Variants in ANKRD33B observed in about 807,000 individuals in gnomAD.
ANKRD33B encodes ankyrin repeat domain-containing protein 33B.
Under a neutral mutation model 21.5 loss-of-function variants are expected in ANKRD33B, and 6 were observed. That is an observed-to-expected ratio of 0.28 (90% CI 0.15 to 0.55). The LOEUF (loss-of-function observed/expected upper bound fraction) is 0.55, where lower values mean the gene tolerates loss of function less well. Among genes scored for constraint, ANKRD33B ranks in the 20% least tolerant of loss-of-function variants. The probability of loss-of-function intolerance (pLI) is 0.94; values close to 1 mark genes in which losing one functional copy is unlikely to be tolerated. For missense variants in ANKRD33B, 698 were observed against 747.2 expected (o/e 0.93, Z 0.77); for synonymous variants, 347 against 342.4 (o/e 1.01, Z -0.15).
chr5:10,611,108 C>G (rs1438162768), intron 1 of ANKRD33B, among the ~76,000 whole-genome samples: 1 of 152,010 alleles, frequency 6.6e-6, no homozygotes, highest in Non-Finnish European at 1.5e-5. Flanking sequence ...AATAAAAATT[C>G]AAAAGCAAAA....
intron 3 of ANKRD33B, among the ~76,000 whole-genome samples, chr5:10,647,937 T>C (rs533968740): frequency 1.2e-4 from 18 of 152,324 alleles, no homozygotes; most frequent in African/African-American, 3.9e-4. Flanking sequence ...CTTAGATCCA[T>C]GTTTGATTAA....
rs1737398244 is a variant in ANKRD33B at position 10,653,120 on chromosome 5, C to CT, written c.*3008dup. 7 of 162,590 alleles carry CT rather than the reference C, an allele frequency of 4.3e-5. No homozygotes were observed. In the South Asian group the frequency reaches 1.1e-3, roughly 27 times the overall value. 10.1% of individuals were successfully genotyped at this position (162,590 alleles called of 1,614,324 possible). A position where few individuals can be genotyped will look rare whatever the true frequency, so the allele number is the denominator to read the frequency against. On this transcript the variant is annotated 3_prime_UTR_variant, in exon 4 of 4. Coordinates refer to ENST00000296657, the MANE Select transcript of ANKRD33B (RefSeq NM_001164440.2). ...GTCATTCCTGATTGAGTTGGAGACT[C>CT]TCCCCAGTCCCTCTCTCTGGACTCA...
chr5:10,622,408 T>C (rs1293541281), intron 2 of ANKRD33B, among the ~76,000 whole-genome samples: 1 of 152,130 alleles, frequency 6.6e-6, no homozygotes, highest in African/African-American at 2.4e-5. Context: ...AAGCCCATAT[T>C]TCTTTGTGGT....
At chr5:10,624,101 C>G (rs1385978924) in intron 2 of ANKRD33B, among the ~76,000 whole-genome samples, 1 of 143,364 alleles carries the variant, frequency 7.0e-6, no homozygotes, top group Non-Finnish European at 1.5e-5. Flanking sequence ...TTCTTTACTT[C>G]TTGTTTTCTT....
At chr5:10,575,647 C>G (rs1735304723) in intron 1 of ANKRD33B, among the ~76,000 whole-genome samples, 1 of 152,166 alleles carries the variant, frequency 6.6e-6, no homozygotes. Context: ...CATTCAAGCA[C>G]TTCTAGGCCA....
chr5:10,638,007 C>T (rs777971307), intron 2 of ANKRD33B, 21 bp from the exon 3 acceptor site: 17 of 1,535,998 alleles, frequency 1.1e-5, no homozygotes, highest in Admixed American at 3.9e-5. Flanking sequence ...AACCAATACA[C>T]GTGTACACTT....
At chr5:10,608,662 GA>G (rs35432250) in intron 1 of ANKRD33B, among the ~76,000 whole-genome samples, 7,012 of 145,030 alleles carry the variant, frequency 0.048, 235 homozygotes, top group Non-Finnish European at 0.065. Flanking sequence ...ACCTCACTAT[GA>G]AAAAAAAAAA....
chr5:10,618,231 T>C, intron 1 of ANKRD33B, 102 bp from the exon 2 acceptor site: 1 of 1,463,100 alleles, frequency 6.8e-7, no homozygotes, highest in Non-Finnish European at 9.2e-7. Context: ...CATTGCCTTG[T>C]CCAGCCCCCT....
intron 1 of ANKRD33B, among the ~76,000 whole-genome samples, chr5:10,601,383 G>A (rs1287148090): frequency 6.6e-6 from 1 of 152,102 alleles, no homozygotes; most frequent in Non-Finnish European, 1.5e-5. Flanking sequence ...CTTGCCTCCC[G>A]CCTGGGACAC....
intron 1 of ANKRD33B, among the ~76,000 whole-genome samples, chr5:10,577,992 C>G (rs1346013957): frequency 6.6e-6 from 1 of 152,212 alleles, no homozygotes; most frequent in African/African-American, 2.4e-5. Flanking sequence ...TTTCAGGAAG[C>G]TGGCACAGCC....
intron 1 of ANKRD33B, among the ~76,000 whole-genome samples, chr5:10,610,039 C>G (rs1009989168): frequency 3.3e-5 from 5 of 152,204 alleles, no homozygotes; most frequent in Admixed American, 6.5e-5. Flanking sequence ...CCAATAGATG[C>G]ATGGAAAGGT....
intron 1 of ANKRD33B, among the ~76,000 whole-genome samples, chr5:10,617,345 G>A (rs1307607369): frequency 6.6e-6 from 1 of 152,106 alleles, no homozygotes; most frequent in Non-Finnish European, 1.5e-5. Flanking sequence ...CTGTCCCCAC[G>A]CCCGCTCTGT....
intron 1 of ANKRD33B, among the ~76,000 whole-genome samples, chr5:10,587,699 C>T (rs1253034657): frequency 2.6e-5 from 4 of 152,090 alleles, no homozygotes; most frequent in Non-Finnish European, 5.9e-5. Flanking sequence ...TATATATGCT[C>T]TGCCAGATTA....
At chr5:10,586,410 G>T (rs144671834) in intron 1 of ANKRD33B, among the ~76,000 whole-genome samples, 1 of 151,692 alleles carries the variant, frequency 6.6e-6, no homozygotes. Context: ...ACAGCCAGTG[G>T]CTCTCTACTT....
intron 1 of ANKRD33B, among the ~76,000 whole-genome samples, chr5:10,582,127 T>C (rs1473474584): frequency 6.6e-6 from 1 of 152,212 alleles, no homozygotes; most frequent in African/African-American, 2.4e-5. Flanking sequence ...ACGTATTCCT[T>C]TTGCCTCCAG....
intron 1 of ANKRD33B, among the ~76,000 whole-genome samples, chr5:10,586,867 T>G (rs1735577234): frequency 1.3e-5 from 2 of 152,200 alleles, no homozygotes; most frequent in African/African-American, 4.8e-5. Context: ...TGCCTGGCTT[T>G]TAAATCAACA....
chr5:10,585,953 G>A (rs1333948324), intron 1 of ANKRD33B, among the ~76,000 whole-genome samples: 1 of 152,186 alleles, frequency 6.6e-6, no homozygotes, highest in Non-Finnish European at 1.5e-5. Flanking sequence ...GCTTTCCGCA[G>A]GAGACTGGAG....
chr5:10,571,447 C>T (rs1297856467), intron 1 of ANKRD33B, among the ~76,000 whole-genome samples: 10 of 152,148 alleles, frequency 6.6e-5, no homozygotes, highest in Admixed American at 6.6e-4. Flanking sequence ...GGTGATTCAC[C>T]CACCTCAGCC....
intron 1 of ANKRD33B, among the ~76,000 whole-genome samples, chr5:10,614,497 C>G (rs1736241196): frequency 6.6e-6 from 1 of 152,194 alleles, no homozygotes. Flanking sequence ...TCTCAAACTC[C>G]TGGCCTCAAG....
Sources: gnomAD v4.1 joint callset for allele counts (sites outside exome capture counted in the v4.1 genomes callset) on GRCh38, gnomAD v4.1.1 for gene constraint, MANE v1.5 for transcripts, NCBI Gene and HGNC (gene_info 2026-07-23, HGNC 2026-07-21) for gene names.